The following RASSF3 variants were observed in gnomAD, a reference collection of about 807,000 sequenced individuals.
The protein encoded by RASSF3 is ras association domain-containing protein 3.
RASSF3 carries 19 observed loss-of-function variants against 19.9 expected under a neutral mutation model. That is an observed-to-expected ratio of 0.96 (90% CI 0.67 to 1.40). The LOEUF (loss-of-function observed/expected upper bound fraction) is 1.40. Ranked by LOEUF, RASSF3 falls within the 40% of genes most tolerant of loss-of-function variation. RASSF3 has a pLI of 0.00. For synonymous variants in RASSF3, 110 were observed against 104.2 expected (o/e 1.06, Z -0.34); for missense variants, 306 against 289.8 (o/e 1.06, Z -0.41).
intron 2 of RASSF3, among the ~76,000 whole-genome samples, chr12:64,601,121 C>CAATA (rs1285759958): frequency 6.6e-6 from 1 of 151,872 alleles, no homozygotes; most frequent in Non-Finnish European, 1.5e-5. Flanking sequence ...GACCATGCCT[C>CAATA]AATAAATAAA....
At chr12:64,660,562 T>C (rs1872320318) in intron 1 of RASSF3, among the ~76,000 whole-genome samples, 1 of 152,214 alleles carries the variant, frequency 6.6e-6, no homozygotes, top group Admixed American at 6.5e-5. Context: ...TCTAATTTCT[T>C]GGCCTTTAAG....
rs1870896388 is a variant in RASSF3 at position 64,624,080 on chromosome 12, C to T, written c.111+13337C>T. Among the ~76,000 whole-genome samples the T allele has an allele frequency of 3.9e-5, 6 of 152,068 alleles. 1 individual carries two copies. Among genetic ancestry groups the T allele is most frequent in the African/African-American group, 1.5e-4 (6 of 41,324 alleles). Reference sequence around the variant, plus strand: ...TCCTTGGCTGTCATGTTGATGGTCTCTGTATCCAAATTAGTATTTGTGAAA... The same window carrying T: ...TCCTTGGCTGTCATGTTGATGGTCTTTGTATCCAAATTAGTATTTGTGAAA... On this transcript the variant is annotated intron_variant, in intron 1 of 4. Coordinates refer to ENST00000542104, the MANE Select transcript of RASSF3 (RefSeq NM_178169.4).
chr12:64,663,075 T>A (rs928615964), intron 1 of RASSF3, among the ~76,000 whole-genome samples: 6 of 152,066 alleles, frequency 3.9e-5, no homozygotes, highest in Non-Finnish European at 7.4e-5. Context: ...TTGGAAAAAA[T>A]GTTCAGTGTT....
chr12:64,683,674 A>C (rs1446049256), intron 1 of RASSF3, among the ~76,000 whole-genome samples: 1 of 152,234 alleles, frequency 6.6e-6, no homozygotes, highest in Non-Finnish European at 1.5e-5. Flanking sequence ...TTGTAAAGCT[A>C]TAAAGACAAC....
chr12:64,627,420 T>G (rs998051317), intron 1 of RASSF3, among the ~76,000 whole-genome samples: 1 of 152,218 alleles, frequency 6.6e-6, no homozygotes, highest in Non-Finnish European at 1.5e-5. Flanking sequence ...TTTAGCTTAC[T>G]GTTGGATGCA....
At chr12:64,600,482 C>T (rs958814743) in intron 2 of RASSF3, among the ~76,000 whole-genome samples, 5 of 152,150 alleles carry the variant, frequency 3.3e-5, no homozygotes, top group Non-Finnish European at 7.3e-5. Flanking sequence ...GAGGAACAAC[C>T]TGCCTAATTA....
intron 1 of RASSF3, among the ~76,000 whole-genome samples, chr12:64,677,518 T>A (rs1872952285): frequency 6.6e-6 from 1 of 152,166 alleles, no homozygotes; most frequent in East Asian, 1.9e-4. Context: ...CAGGTGACCC[T>A]TCCGCCTCAG....
chr12:64,618,063 C>T (rs188345722), intron 1 of RASSF3, among the ~76,000 whole-genome samples: 26 of 152,264 alleles, frequency 1.7e-4, no homozygotes, highest in Admixed American at 1.6e-3. Flanking sequence ...CAAAATTAAC[C>T]AAATCAAATT....
At chr12:64,676,397 G>A (rs145028920) in intron 1 of RASSF3, among the ~76,000 whole-genome samples, 5,854 of 149,442 alleles carry the variant, frequency 0.039, 349 homozygotes, top group African/African-American at 0.13. Flanking sequence ...TTGAACTCTT[G>A]ACCTCAGGTG....
intron 1 of RASSF3, among the ~76,000 whole-genome samples, chr12:64,518,762 T>C (rs1190145910): frequency 1.3e-5 from 2 of 152,230 alleles, no homozygotes; most frequent in Admixed American, 6.5e-5. Context: ...TGTTGAACCA[T>C]TGTTTCCAGA....
chr12:64,552,520 C>G (rs1445838553), intron 2 of RASSF3, among the ~76,000 whole-genome samples: 1 of 152,192 alleles, frequency 6.6e-6, no homozygotes, highest in African/African-American at 2.4e-5. Context: ...TAAGGCTCTC[C>G]CTCCCGCTAC....
rs532041091 is a variant in RASSF3 at position 64,676,956 on chromosome 12, C to T, written c.112-7831C>T. On this transcript the variant is annotated intron_variant, in intron 1 of 4. Transcript: ENST00000542104. ...GCTAATTTTCTATTTTTAGTAGAGA[C>T]GAGGTCTCCCTGTGTTGCCCAGGCT... Among the ~76,000 whole-genome samples, 28 of 151,994 alleles carry T rather than the reference C, an allele frequency of 1.8e-4. No individual in the cohort carries two copies. In the East Asian group the frequency reaches 5.0e-3, roughly 27 times the overall value.
intron 2 of RASSF3, 43 bp from the exon 3 acceptor site, chr12:64,688,173 C>T: frequency 7.2e-7 from 1 of 1,397,668 alleles, no homozygotes; most frequent in Non-Finnish European, 1.0e-6. Flanking sequence ...CCTAAAGTGC[C>T]ACCATCCACC....
intron 3 of RASSF3, among the ~76,000 whole-genome samples, chr12:64,690,733 G>T (rs1383735591): frequency 3.3e-5 from 5 of 151,224 alleles, no homozygotes. Flanking sequence ...TGATCCTCCT[G>T]CCTCAGCCTT....
chr12:64,609,648 G>C (rs1870266607), upstream of RASSF3, among the ~76,000 whole-genome samples: 1 of 152,160 alleles, frequency 6.6e-6, no homozygotes, highest in Non-Finnish European at 1.5e-5. Flanking sequence ...TTTTTTGTAC[G>C]TGGATGGATG....
chr12:64,589,253 C>A (rs1869872753), intron 2 of RASSF3, among the ~76,000 whole-genome samples: 1 of 152,058 alleles, frequency 6.6e-6, no homozygotes, highest in Non-Finnish European at 1.5e-5. Flanking sequence ...AGTTCGAGAC[C>A]AGCCTGGCCA....
chr12:64,693,144 CTTTT>C (rs71434057), intron 4 of RASSF3, among the ~76,000 whole-genome samples: 1 of 128,746 alleles, frequency 7.8e-6, no homozygotes, highest in Admixed American at 7.8e-5. Context: ...CCATGTTGCT[CTTTT>C]TTTTTTTTTT....
At chr12:64,546,416 G>A (rs1294769475), downstream of RASSF3, among the ~76,000 whole-genome samples, 1 of 152,000 alleles carries the variant, frequency 6.6e-6, no homozygotes, top group Non-Finnish European at 1.5e-5. Flanking sequence ...GACTACAGGC[G>A]CCTGCCACCA....
intron 2 of RASSF3, among the ~76,000 whole-genome samples, chr12:64,565,572 C>T (rs1048426038): frequency 7.2e-5 from 11 of 152,006 alleles, no homozygotes; most frequent in African/African-American, 2.4e-4. Flanking sequence ...AATTAGACGG[C>T]TGCAGTGGCG....
Sources: gnomAD v4.1 joint callset for allele counts (sites outside exome capture counted in the v4.1 genomes callset) on GRCh38, gnomAD v4.1.1 for gene constraint, MANE v1.5 for transcripts, NCBI Gene and HGNC (gene_info 2026-07-23, HGNC 2026-07-21) for gene names.